Variants in RTTN observed in about 807,000 individuals in gnomAD.
RTTN encodes the protein rotatin.
Under a neutral mutation model 269.2 loss-of-function variants are expected in RTTN, and 182 were observed. The ratio of observed to expected loss-of-function variants is 0.68; its 90% CI spans 0.60 to 0.76. The LOEUF (loss-of-function observed/expected upper bound fraction) is 0.76. Among genes scored for constraint, RTTN ranks in the 30% least tolerant of loss-of-function variants. The probability of loss-of-function intolerance (pLI) is 0.00; values close to 1 mark genes in which losing one functional copy is unlikely to be tolerated. For missense variants in RTTN, 2,545 were observed against 2,608.6 expected, an observed-to-expected ratio of 0.98 and a Z score of 0.53; for synonymous variants, 1,006 against 963.5, an observed-to-expected ratio of 1.04 and a Z score of -0.82.
chr18:70,120,173 C>A (rs2059699505), intron 26 of RTTN, among the ~76,000 whole-genome samples: 1 of 152,082 alleles, frequency 6.6e-6, no homozygotes. Context: ...GATAGCACAT[C>A]AGCATGCTCA....
intron 28 of RTTN, among the ~76,000 whole-genome samples, chr18:70,103,009 G>A (rs12959347): frequency 0.068 from 10,117 of 148,658 alleles, 443 homozygotes; most frequent in Non-Finnish European, 0.096. Flanking sequence ...CTGCCCAGGC[G>A]CCCCGTCTGG....
intron 32 of RTTN, among the ~76,000 whole-genome samples, chr18:70,080,952 AC>A (rs2058551031): frequency 1.3e-5 from 2 of 151,820 alleles, no homozygotes; most frequent in Admixed American, 1.3e-4. Context: ...ACACACACAC[AC>A]ACACACACAC....
chr18:70,119,712 A>T (rs927711545), intron 26 of RTTN, among the ~76,000 whole-genome samples: 3 of 152,250 alleles, frequency 2.0e-5, no homozygotes, highest in Admixed American at 2.0e-4. Flanking sequence ...CTAGAAATTC[A>T]GTCTATAAAT....
intron 7 of RTTN, chr18:70,194,300 G>A (rs2061750097): frequency 1.3e-5 from 2 of 152,148 alleles, no homozygotes; most frequent in South Asian, 4.1e-4. Flanking sequence ...AGAAAAAAAT[G>A]AACAAGTCAG....
At chr18:70,169,606 T>C (rs115995352) in intron 11 of RTTN, among the ~76,000 whole-genome samples, 84 of 152,304 alleles carry the variant, frequency 5.5e-4, no homozygotes, top group African/African-American at 1.8e-3. Flanking sequence ...GAGGGGATAG[T>C]GGAAATCCAA....
chr18:70,135,773 GT>G (rs1869856921), intron 21 of RTTN, among the ~76,000 whole-genome samples: 1 of 152,126 alleles, frequency 6.6e-6, no homozygotes, highest in Non-Finnish European at 1.5e-5. Context: ...CTGTGTCATT[GT>G]TTTGGTTCCT....
chr18:70,140,523 T>C (rs115495453), intron 19 of RTTN, among the ~76,000 whole-genome samples: 2,471 of 152,266 alleles, frequency 0.016, 61 homozygotes, highest in African/African-American at 0.056. Context: ...ATCTTCTTTA[T>C]ATTATTTCAT....
chr18:70,137,676 A>G (rs369718468), intron 21 of RTTN, among the ~76,000 whole-genome samples: 7 of 152,112 alleles, frequency 4.6e-5, no homozygotes, highest in African/African-American at 9.7e-5. Flanking sequence ...AATCTTGCCT[A>G]TTTGAACTCC....
intron 7 of RTTN, chr18:70,194,154 A>G (rs1316418831): frequency 6.6e-6 from 1 of 152,246 alleles, no homozygotes; most frequent in African/African-American, 2.4e-5. Flanking sequence ...AAGAAGATAC[A>G]TGAACAAACA....
intron 40 of RTTN, among the ~76,000 whole-genome samples, chr18:70,033,077 C>T (rs375571760): frequency 2.0e-5 from 3 of 152,176 alleles, no homozygotes; most frequent in East Asian, 1.9e-4. Context: ...GGTTTAGCAC[C>T]GTCCCTTTGG....
At position 70,004,145 on chromosome 18, in the gene RTTN, T is replaced by A. The variant is rs1357774460; in HGVS notation, c.*6A>T. On this transcript the variant is annotated 3_prime_UTR_variant, in exon 49 of 49. Transcript: ENST00000640769. ...GTCAGCTTCAAGGTGTAGCATCCCATGGCACTCAGGAAGAATTAAGGAGCT... is the reference window on the plus strand; with the variant it reads ...GTCAGCTTCAAGGTGTAGCATCCCAAGGCACTCAGGAAGAATTAAGGAGCT... The A allele has an allele frequency of 6.2e-7, 1 of 1,607,528 alleles. No individual in the cohort carries two copies. Among genetic ancestry groups the A allele is most frequent in the East Asian group, 2.2e-5 (1 of 44,804 alleles).
At chr18:70,130,850 CTGATT>C (rs1332145347) in intron 23 of RTTN, 1 of 151,872 alleles carries the variant, frequency 6.6e-6, no homozygotes, top group Non-Finnish European at 1.5e-5. Context: ...CCTAATTACT[CTGATT>C]TGATCATTAT....
At chr18:70,106,757 A>G (rs973232671) in intron 28 of RTTN, among the ~76,000 whole-genome samples, 16 of 152,190 alleles carry the variant, frequency 1.1e-4, no homozygotes, top group African/African-American at 3.1e-4. Flanking sequence ...GGCAATAGGT[A>G]GAGATTATAT....
chr18:70,058,665 C>T (rs1023403216), intron 36 of RTTN, among the ~76,000 whole-genome samples: 5 of 152,184 alleles, frequency 3.3e-5, no homozygotes, highest in African/African-American at 4.8e-5. Context: ...CCACATCAGA[C>T]TCTTAGCTGA....
At position 70,051,260 on chromosome 18, in the gene RTTN, T is replaced by G. The variant is rs981083830; in HGVS notation, c.5323+151A>C. On this transcript the variant is annotated intron_variant, in intron 39 of 48. Transcript: ENST00000640769. The stretch of plus-strand genomic sequence containing the variant: ...GCATTTTTGGGGGGCTCAAGAACAC[T>G]GCAAATTTTTCAAAGCAAGCACCCT... 1.7e-5 allele frequency: 15 copies of G among 868,382 alleles called. No homozygotes were observed. In the African/African-American group the frequency reaches 2.4e-4, roughly 14 times the overall value. The allele number at this position is 868,382 out of a possible 1,614,324, so 53.8% of individuals were successfully genotyped here. A position where few individuals can be genotyped will look rare whatever the true frequency, so the allele number is the denominator to read the frequency against.
At position 70,204,222 on chromosome 18, in the gene RTTN, T is replaced by C; in HGVS notation, c.261A>G (p.Val87=). The C allele has an allele frequency of 6.2e-7, 1 of 1,613,654 alleles. No homozygotes were observed. Among genetic ancestry groups the C allele is most frequent in the Non-Finnish European group, 8.5e-7 (1 of 1,179,922 alleles). Reference sequence around the variant, plus strand: ...TAGACCGAAGCTTAGATAAGAACTCTACTGCACCAACGTCAACCAAATGTT... The same window carrying C: ...TAGACCGAAGCTTAGATAAGAACTCCACTGCACCAACGTCAACCAAATGTT... ...AVQHLVDVGA[V]EFLSKLRSNV... Residue 87 remains valine (V), a synonymous_variant, in exon 3 of 49, where the codon GTA becomes GTG. Coordinates refer to ENST00000640769, the MANE Select transcript of RTTN (RefSeq NM_173630.4).
chr18:70,185,810 T>C (rs374177695), intron 10 of RTTN, among the ~76,000 whole-genome samples: 1 of 151,970 alleles, frequency 6.6e-6, no homozygotes, highest in Admixed American at 6.5e-5. Flanking sequence ...CCAGAACTAG[T>C]AAGTTCAGCA....
chr18:70,034,331 C>T (rs1366762577), intron 40 of RTTN, among the ~76,000 whole-genome samples: 1 of 152,166 alleles, frequency 6.6e-6, no homozygotes, highest in Admixed American at 6.5e-5. Flanking sequence ...AATCCAGCAG[C>T]ACATCAAAAA....
chr18:70,093,122 T>G (rs2058897738), intron 28 of RTTN, among the ~76,000 whole-genome samples: 1 of 152,162 alleles, frequency 6.6e-6, no homozygotes, highest in Non-Finnish European at 1.5e-5. Flanking sequence ...GGAGGATCCC[T>G]TGAGCCTGGG....
Sources: gnomAD v4.1 joint callset for allele counts (sites outside exome capture counted in the v4.1 genomes callset) on GRCh38, gnomAD v4.1.1 for gene constraint, MANE v1.5 for transcripts, NCBI Gene and HGNC (gene_info 2026-07-23, HGNC 2026-07-21) for gene names.